The following GAREM1 variants were observed in gnomAD, a reference collection of about 807,000 sequenced individuals.
The protein encoded by GAREM1 is GRB2 associated regulator of MAPK1 subtype 1.
A neutral mutation model predicts 71.3 loss-of-function variants in GAREM1; 26 were observed. That is an observed-to-expected ratio of 0.36 (90% CI 0.27 to 0.51). The LOEUF (loss-of-function observed/expected upper bound fraction) is 0.51, where lower values mean the gene tolerates loss of function less well. Ranked by LOEUF, GAREM1 falls within the 20% of genes least tolerant of loss-of-function variation. The pLI is 0.95. For synonymous variants in GAREM1, 440 were observed against 433.2 expected, an observed-to-expected ratio of 1.02 and a Z score of -0.20; for missense variants, 1,026 against 1,103.1, an observed-to-expected ratio of 0.93 and a Z score of 0.99.
intron 1 of GAREM1, among the ~76,000 whole-genome samples, chr18:32,402,094 A>G (rs1177152545): frequency 6.6e-6 from 1 of 152,238 alleles, no homozygotes; most frequent in Non-Finnish European, 1.5e-5. Flanking sequence ...TAGAGACATT[A>G]TACTAAATGA....
intron 1 of GAREM1, among the ~76,000 whole-genome samples, chr18:32,421,465 G>A (rs1445648736): frequency 6.6e-6 from 1 of 152,080 alleles, no homozygotes; most frequent in African/African-American, 2.4e-5. Context: ...CCTTCCTAAT[G>A]CCAATCTGCT....
chr18:32,379,549 C>CAA (rs1361725375), intron 2 of GAREM1, among the ~76,000 whole-genome samples: 7 of 151,100 alleles, frequency 4.6e-5, no homozygotes, highest in Non-Finnish European at 8.8e-5. Flanking sequence ...TACTAAAATA[C>CAA]AAAAATTAGC....
intron 1 of GAREM1, among the ~76,000 whole-genome samples, chr18:32,404,863 T>C (rs2048351316): frequency 1.3e-5 from 2 of 152,220 alleles, no homozygotes; most frequent in South Asian, 4.1e-4. Flanking sequence ...TTAGTACATA[T>C]ATAATAAGAA....
At position 32,470,196 on chromosome 18, in the gene GAREM1, A is replaced by T; in HGVS notation, c.121+112T>A. 8.0e-7 allele frequency: 1 copy of T among 1,246,222 alleles called. No homozygotes were observed. The allele number at this position is 1,246,222 out of a possible 1,614,324, so 77.2% of individuals were successfully genotyped here. A position where few individuals can be genotyped will look rare whatever the true frequency, so the allele number is the denominator to read the frequency against. ...GCCGCTCGGGCCAACTCCGGCGCTC[A>T]GGGGCGGGCAGCCCACTCCCCGCGG... is the stretch of plus-strand genomic sequence containing the variant. On this transcript the variant is annotated intron_variant, in intron 1 of 5. Coordinates refer to ENST00000269209, the MANE Select transcript of GAREM1 (RefSeq NM_001242409.2). This position sits in a 1 kb window ranked among gnomAD's most constrained non-coding sequence, Gnocchi z 4.4.
chr18:32,318,376 T>C (rs1429894135), intron 2 of GAREM1, among the ~76,000 whole-genome samples: 1 of 152,192 alleles, frequency 6.6e-6, no homozygotes, highest in Non-Finnish European at 1.5e-5. Context: ...AATCCTTCCT[T>C]CATCTAAGTT....
At chr18:32,425,706 T>A (rs970981547) in intron 1 of GAREM1, among the ~76,000 whole-genome samples, 1 of 152,222 alleles carries the variant, frequency 6.6e-6, no homozygotes, top group Non-Finnish European at 1.5e-5. Flanking sequence ...CAAACAAAGA[T>A]ATGTTGAACA....
intron 4 of GAREM1, among the ~76,000 whole-genome samples, chr18:32,281,808 C>A (rs575968983): frequency 6.6e-6 from 1 of 152,334 alleles, no homozygotes; most frequent in East Asian, 1.9e-4. Context: ...CAAGCCATCG[C>A]ATCCCCTGTG....
At chr18:32,286,689 T>G (rs1240925191) in intron 4 of GAREM1, among the ~76,000 whole-genome samples, 2 of 152,170 alleles carry the variant, frequency 1.3e-5, no homozygotes, top group African/African-American at 4.8e-5. Context: ...TGCCACGGTT[T>G]AGGGCCTTAC....
intron 1 of GAREM1, among the ~76,000 whole-genome samples, chr18:32,397,239 A>G (rs904884576): frequency 4.6e-5 from 7 of 152,240 alleles, no homozygotes; most frequent in Non-Finnish European, 7.3e-5. Context: ...AAGAAACTGC[A>G]TCAACTAACG....
intron 3 of GAREM1, among the ~76,000 whole-genome samples, chr18:32,288,835 CTG>C (rs2047052568): frequency 6.6e-6 from 1 of 151,944 alleles, no homozygotes; most frequent in Non-Finnish European, 1.5e-5. Flanking sequence ...GAGTTTCTAA[CTG>C]TATCCATTTC....
intron 2 of GAREM1, among the ~76,000 whole-genome samples, chr18:32,315,348 A>T (rs1168342068): frequency 3.3e-5 from 5 of 151,200 alleles, no homozygotes; most frequent in Non-Finnish European, 7.4e-5. Flanking sequence ...GGTAAAATTT[A>T]AATAACATAT....
Position 32,346,478 on chromosome 18 carries a change from A to G in GAREM1, c.263-36155T>C, listed in dbSNP as rs549281795. The stretch of plus-strand genomic sequence containing the variant: ...TGAATCCTCTTATAAAGCAATAGAT[A>G]TTATTATAGGTAAACTGTTATTTTA... On this transcript the variant is annotated intron_variant, in intron 2 of 5. Coordinates refer to ENST00000269209, the MANE Select transcript of GAREM1 (RefSeq NM_001242409.2). Among the ~76,000 whole-genome samples, 4 of 152,320 alleles carry G rather than the reference A, an allele frequency of 2.6e-5. No individual in the cohort carries two copies. The South Asian group carries it at 8.3e-4, about 32-fold the overall frequency.
intron 2 of GAREM1, among the ~76,000 whole-genome samples, chr18:32,351,910 A>G (rs774082921): frequency 7.9e-5 from 12 of 152,206 alleles, no homozygotes; most frequent in Non-Finnish European, 1.8e-4. Flanking sequence ...CAGCATAGGT[A>G]CACAACTGTT....
intron 1 of GAREM1, among the ~76,000 whole-genome samples, chr18:32,447,494 T>C (rs1372907123): frequency 6.6e-6 from 1 of 152,172 alleles, no homozygotes; most frequent in Non-Finnish European, 1.5e-5. Context: ...AAAGTAAGGC[T>C]TTTAAAAGAA....
In GAREM1 at chr18:32,289,088, T is replaced by C. The variant is rs141040514; in HGVS notation, c.394-885A>G. The stretch of plus-strand genomic sequence containing the variant: ...CATATATTTGTTTTTTTGTTTTGTT[T>C]TGTTTTGTTTTTGAAGACAGGATCT... On this transcript the variant is annotated intron_variant, in intron 3 of 5. Transcript: ENST00000269209. Among the ~76,000 whole-genome samples, 198 of 152,308 alleles carry C rather than the reference T, an allele frequency of 1.3e-3. 1 individual carries two copies. The highest frequency in any genetic ancestry group is 4.1e-3 in the African/African-American group (170 of 41,564).
rs188745829 is a variant in GAREM1 at position 32,456,698 on chromosome 18, T to C, written c.121+13610A>G. 2.0e-3 allele frequency among the ~76,000 whole-genome samples: 305 copies of C among 152,208 alleles called. 2 individuals carry two copies. The highest frequency in any genetic ancestry group is 6.9e-3 in the African/African-American group (288 of 41,552). On this transcript the variant is annotated intron_variant, in intron 1 of 5. Coordinates refer to ENST00000269209, the MANE Select transcript of GAREM1 (RefSeq NM_001242409.2). The stretch of plus-strand genomic sequence containing the variant: ...AAATGTTTTGGAGAAGTGAAACATA[T>C]TAGAAATCACAGAATTCTACAGAAA...
At chr18:32,414,569 T>C (rs1303516913) in intron 1 of GAREM1, among the ~76,000 whole-genome samples, 22 of 152,136 alleles carry the variant, frequency 1.4e-4, no homozygotes, top group East Asian at 7.7e-4. Context: ...AAGAAAAATT[T>C]TGGAAACCAT....
At chr18:32,437,672 G>C (rs2048692569) in intron 1 of GAREM1, among the ~76,000 whole-genome samples, 1 of 151,868 alleles carries the variant, frequency 6.6e-6, no homozygotes, top group South Asian at 2.1e-4. Context: ...TCTGAATGCG[G>C]AGACAGATTT....
intron 1 of GAREM1, among the ~76,000 whole-genome samples, chr18:32,423,480 G>C (rs10502598): frequency 0.046 from 7,002 of 152,240 alleles, 470 homozygotes; most frequent in East Asian, 0.32. Flanking sequence ...CTGTGCAAGA[G>C]AATTATACCA....
Sources: gnomAD v4.1 joint callset for allele counts (sites outside exome capture counted in the v4.1 genomes callset) on GRCh38, gnomAD v4.1.1 for gene constraint, Gnocchi (gnomAD v3.1) non-coding constraint, MANE v1.5 for transcripts, NCBI Gene and HGNC (gene_info 2026-07-23, HGNC 2026-07-21) for gene names.